The following CABP2 variants were observed in gnomAD, a reference collection of about 807,000 sequenced individuals.
CABP2 encodes the protein calcium binding protein 2, also known as calcium-binding protein 2.
In CABP2, 25 loss-of-function variants were observed where a neutral mutation model predicts 28.6. The ratio of observed to expected loss-of-function variants is 0.87; its 90% CI spans 0.64 to 1.22. The LOEUF (loss-of-function observed/expected upper bound fraction) is 1.22. Among genes scored for constraint, CABP2 ranks in the 50% most tolerant of loss-of-function variants. The pLI is 0.00. For synonymous variants in CABP2, 138 were observed against 126.0 expected (o/e 1.09, Z -0.64); for missense variants, 310 against 312.2 (o/e 0.99, Z 0.05).
chr11:67,522,687 TG>T lies in CABP2; in HGVS notation c.71del (p.Pro24GlnfsTer116). On this transcript the variant is annotated frameshift_variant, in exon 2 of 7. Coordinates refer to ENST00000294288, the MANE Select transcript of CABP2 (RefSeq NM_016366.3). LOFTEE classifies it high-confidence loss of function. ...KDPLQWLGSP[P>X]RGSCPSPSSS... ...AGCTGGGGCTGGGGCAGGAGCCCCT[TG>T]GTGGGGAGCCGAGCCACTGCAAGGG... The T allele has an allele frequency of 6.6e-7, 1 of 1,521,148 alleles. No individual in the cohort carries two copies. The highest frequency in any genetic ancestry group is 8.8e-7 in the Non-Finnish European group (1 of 1,130,662). 94.2% of individuals were successfully genotyped at this position (1,521,148 alleles called of 1,614,324 possible). A position where few individuals can be genotyped will look rare whatever the true frequency, so the allele number is the denominator to read the frequency against.
chr11:67,519,194 T>G (rs1314066462), intron 6 of CABP2, 30 bp from the exon 7 acceptor site: 1 of 1,613,736 alleles, frequency 6.2e-7, no homozygotes, highest in South Asian at 1.1e-5. Context: ...GTTTTGGGTC[T>G]GTTCTCTGGA....
chr11:67,519,713 C>T, intron 6 of CABP2, 80 bp downstream of exon 6: 1 of 1,400,662 alleles, frequency 7.1e-7, no homozygotes, highest in Non-Finnish European at 1.0e-6. Flanking sequence ...GTCTGGTGCC[C>T]AGTGGTGACT....
chr11:67,519,985 A>C, intron 5 of CABP2, 45 bp from the exon 6 acceptor site: 1 of 1,597,544 alleles, frequency 6.3e-7, no homozygotes, highest in African/African-American at 1.3e-5. Flanking sequence ...ACAGTCATTC[A>C]CACGCGCAGC....
At chr11:67,521,252 C>T (rs1866744533) in intron 3 of CABP2, 93 bp from the exon 4 acceptor site, 4 of 1,309,404 alleles carry the variant, frequency 3.1e-6, no homozygotes, top group South Asian at 1.3e-5. Flanking sequence ...ATCATCCCTC[C>T]TTCTGAACAT....
At chr11:67,522,514 AG>A in intron 2 of CABP2, 31 bp downstream of exon 2, 4 of 1,552,632 alleles carry the variant, frequency 2.6e-6, no homozygotes, top group Non-Finnish European at 3.5e-6. Flanking sequence ...GGGCAAGGGC[AG>A]GCAGGCTGGC....
rs202092190 is a variant in CABP2, at chr11:67,522,843, G to T, written c.43-127C>A. 3 of 849,552 alleles carry T rather than the reference G, an allele frequency of 3.5e-6. No homozygotes were observed. The East Asian group carries it at 8.4e-5, about 24-fold the overall frequency. 52.6% of individuals were successfully genotyped at this position (849,552 alleles called of 1,614,324 possible). On this transcript the variant is annotated intron_variant, in intron 1 of 6. Transcript: ENST00000294288. ...GCATGGGACAGTAGGGAAGGGGCTG[G>T]GGGGTAGAGAGAGGACCCTCACCCG...
chr11:67,520,304 A>G (rs1383866605), intron 4 of CABP2, 144 bp from the exon 5 acceptor site: 22 of 614,028 alleles, frequency 3.6e-5, no homozygotes, highest in Non-Finnish European at 6.1e-5. Flanking sequence ...GTATTTCCCA[A>G]TGGGAATCGC....
chr11:67,519,894 G>A lies in CABP2; in HGVS notation c.536C>T (p.Ala179Val), dbSNP rs1353573433. Residue 179 changes from alanine to valine, a missense_variant, in exon 6 of 7, where the codon GCG (alanine) becomes GTG (valine). Physicochemically the swap from Ala to Val is moderately conservative, Grantham distance 64. Coordinates refer to ENST00000294288, the MANE Select transcript of CABP2 (RefSeq NM_016366.3). The stretch of plus-strand genomic sequence containing the variant: ...CTCCCCCAGCAGGGCCTTGAGGGCC[G>A]CCCGGAGCTCGCCCACGCTGATGCG... ...DGRISVGELR[A>V]ALKALLGERL... 2 of 1,612,648 alleles carry A rather than the reference G, an allele frequency of 1.2e-6. No individual in the cohort carries two copies. Among genetic ancestry groups the A allele is most frequent in the South Asian group, 1.1e-5 (1 of 91,068 alleles).
At position 67,522,112 on chromosome 11, in the gene CABP2, T is replaced by A. The variant is rs556941177; in HGVS notation, c.214-130A>T. Reference sequence around the variant, plus strand: ...CACGCAGGGCCTGTGTCTGTCTGATTGCTCGGCCCTGGTTCCCACCCCATC... The same window carrying A: ...CACGCAGGGCCTGTGTCTGTCTGATAGCTCGGCCCTGGTTCCCACCCCATC... On this transcript the variant is annotated intron_variant, in intron 2 of 6. Transcript: ENST00000294288. 2.5e-4 allele frequency: 209 copies of A among 826,382 alleles called. 1 individual carries two copies. The African/African-American group carries it at 2.9e-3, about 12-fold the overall frequency. The allele number at this position is 826,382 out of a possible 1,614,324, so 51.2% of individuals were successfully genotyped here. A position where few individuals can be genotyped will look rare whatever the true frequency, so the allele number is the denominator to read the frequency against.
rs1460606718 is a variant in CABP2 at position 67,521,010 on chromosome 11, G to T, written c.379+15C>A. On this transcript the variant is annotated intron_variant, in intron 4 of 6. Transcript: ENST00000294288. ...TCTGGAGGACTGGGGATGGGGATGG[G>T]TCCGAGGCACATACTGATTTGTTGT... 6.2e-7 allele frequency: 1 copy of T among 1,611,618 alleles called. No individual in the cohort carries two copies. The highest frequency in any genetic ancestry group is 8.5e-7 in the Non-Finnish European group (1 of 1,178,244).
At chr11:67,520,908 G>A (rs778281943) in intron 4 of CABP2, 117 bp downstream of exon 4, 71 of 1,128,974 alleles carry the variant, frequency 6.3e-5, no homozygotes, top group Non-Finnish European at 8.4e-5. Flanking sequence ...GAATGACCAA[G>A]GTCATGGGCT....
Position 67,519,929 on chromosome 11 carries a change from A to T in CABP2, c.501T>A (p.Asn167Lys). The T allele has an allele frequency of 6.2e-7, 1 of 1,608,324 alleles. No individual in the cohort carries two copies. The highest frequency in any genetic ancestry group is 8.5e-7 in the Non-Finnish European group (1 of 1,179,044). ...CGCCCACGCTGATGCGGCCGTCCCC[A>T]TTGGTGTCGAACTGTGGCGGCGTTG... is the stretch of plus-strand genomic sequence containing the variant. ...LRDAFREFDT[N>K]GDGRISVGEL... The change falls in exon 6 of 7, where the codon AAT (asparagine) becomes AAA (lysine). Residue 167 changes from asparagine to lysine, a missense_variant. Coordinates refer to ENST00000294288, the MANE Select transcript of CABP2 (RefSeq NM_016366.3).
In CABP2 at chr11:67,522,563, T is replaced by C. The variant is rs1344751519; in HGVS notation, c.196A>G (p.Ile66Val). The C allele has an allele frequency of 1.9e-6, 3 of 1,556,002 alleles. No individual in the cohort carries two copies. In the African/African-American group the frequency reaches 4.1e-5, roughly 21 times the overall value. Residue 66 changes from isoleucine (I) to valine (V), a missense_variant, in exon 2 of 7, where the codon ATT (isoleucine) becomes GTT (valine). Transcript: ENST00000294288. ...GTACATACGAGTTGGGTGGCGGCAA[T>C]GCTGGGCCGCAGGAAGATGCAGGCA... is the stretch of plus-strand genomic sequence containing the variant. The part of the protein sequence containing the change: ...GPACIFLRPS[I>V]AATQLDRELR...
Position 67,522,572 on chromosome 11 carries a change from G to C in CABP2, c.187C>G (p.Arg63Gly), listed in dbSNP as rs749631612. ...SLVGPACIFL[R>G]PSIAATQLDR... is the part of the protein sequence containing the mutation. ...AGTTGGGTGGCGGCAATGCTGGGCC[G>C]CAGGAAGATGCAGGCAGGCCCCACC... is the stretch of plus-strand genomic sequence containing the variant. Residue 63 changes from arginine (R) to glycine (G), a missense_variant, in exon 2 of 7, where the codon CGG becomes GGG. Coordinates refer to ENST00000294288, the MANE Select transcript of CABP2 (RefSeq NM_016366.3). 1.3e-5 allele frequency: 20 copies of C among 1,555,990 alleles called. No individual in the cohort carries two copies. The highest frequency in any genetic ancestry group is 1.7e-5 in the Non-Finnish European group (20 of 1,149,456).
At chr11:67,522,242 G>T (rs929343280) in intron 2 of CABP2, among the ~76,000 whole-genome samples, 13 of 152,134 alleles carry the variant, frequency 8.5e-5, no homozygotes, top group Middle Eastern at 3.4e-3. Context: ...GGGGCAGGGG[G>T]CTCCCTTTGC....
chr11:67,523,299 G>C lies in CABP2; in HGVS notation c.28C>G (p.Arg10Gly). MGNCAKRPW[R>G]RGPKDPLQWL... is the part of the protein sequence containing the mutation. ...ACCCCTCCTACCTTAGGGCCCCGGC[G>C]CCAGGGCCGCTTGGCACAGTTCCCC... The change falls in exon 1 of 7, where the codon CGC becomes GGC. Residue 10 changes from arginine to glycine, a missense_variant. Arg to Gly is a moderately radical substitution (Grantham distance 125, BLOSUM62 -2). Coordinates refer to ENST00000294288, the MANE Select transcript of CABP2 (RefSeq NM_016366.3). 6.4e-7 allele frequency: 1 copy of C among 1,555,476 alleles called. No individual in the cohort carries two copies. The highest frequency in any genetic ancestry group is 1.2e-5 in the South Asian group (1 of 84,248).
At position 67,522,699 on chromosome 11, in the gene CABP2, G is replaced by A. The variant is rs950724245; in HGVS notation, c.60C>T (p.Leu20=). Residue 20 remains leucine, a synonymous_variant, in exon 2 of 7, where the codon CTC becomes CTT. Coordinates refer to ENST00000294288, the MANE Select transcript of CABP2 (RefSeq NM_016366.3). The part of the protein sequence containing the change: ...RRGPKDPLQW[L]GSPPRGSCPS... Reference sequence around the variant, plus strand: ...GGCAGGAGCCCCTTGGTGGGGAGCCGAGCCACTGCAAGGGGTCCTGCAGCA... The same window carrying A: ...GGCAGGAGCCCCTTGGTGGGGAGCCAAGCCACTGCAAGGGGTCCTGCAGCA... 22 of 1,509,114 alleles carry A rather than the reference G, an allele frequency of 1.5e-5. No individual in the cohort carries two copies. Among genetic ancestry groups the A allele is most frequent in the South Asian group, 2.5e-5 (2 of 79,110 alleles). The allele number at this position is 1,509,114 out of a possible 1,614,324, so 93.5% of individuals were successfully genotyped here.
In CABP2 at chr11:67,519,783, C is replaced by T; in HGVS notation, c.637+10G>A. The T allele has an allele frequency of 1.2e-6, 2 of 1,613,368 alleles. No individual in the cohort carries two copies. The highest frequency in any genetic ancestry group is 1.7e-6 in the Non-Finnish European group (2 of 1,179,486). On this transcript the variant is annotated intron_variant, in intron 6 of 6. Transcript: ENST00000294288. ...CCAGGGCGTGTGTTGCTATGTGCGG[C>T]AGGGGGTACCTTCGAAGTCGACCAG...
Position 67,523,294 on chromosome 11 carries a change from C to T in CABP2, c.33G>A (p.Arg11=), listed in dbSNP as rs1457414221. 3.2e-6 allele frequency: 5 copies of T among 1,555,768 alleles called. No individual in the cohort carries two copies. The highest frequency in any genetic ancestry group is 4.4e-6 in the Non-Finnish European group (5 of 1,149,258). Residue 11 remains arginine (R), a synonymous_variant, in exon 1 of 7, where the codon CGG becomes CGA. Coordinates refer to ENST00000294288, the MANE Select transcript of CABP2 (RefSeq NM_016366.3). ...CCCTGACCCCTCCTACCTTAGGGCC[C>T]CGGCGCCAGGGCCGCTTGGCACAGT... MGNCAKRPWR[R]GPKDPLQWLG...
Sources: gnomAD v4.1 joint callset for allele counts (sites outside exome capture counted in the v4.1 genomes callset) on GRCh38, gnomAD v4.1.1 for gene constraint, MANE v1.5 for transcripts, NCBI Gene and HGNC (gene_info 2026-07-23, HGNC 2026-07-21) for gene names.